ATAD2B: variants seen among roughly 807,000 people sequenced by gnomAD.
The protein encoded by ATAD2B is ATPase family AAA domain-containing protein 2B.
In ATAD2B, 40 loss-of-function variants were observed where a neutral mutation model predicts 167.6. That is an observed-to-expected ratio of 0.24 (90% CI 0.19 to 0.31). The LOEUF (loss-of-function observed/expected upper bound fraction) is 0.31. ATAD2B is among the 10% of genes least tolerant of loss of function. The pLI, the probability that ATAD2B is intolerant of heterozygous loss-of-function variation, is 1.00. For synonymous variants in ATAD2B, 579 were observed against 596.5 expected, an observed-to-expected ratio of 0.97 and a Z score of 0.43; for missense variants, 1,242 against 1,757.2, an observed-to-expected ratio of 0.71 and a Z score of 5.24.
chr2:23,814,761 AG>A (rs1686168228), intron 17 of ATAD2B, among the ~76,000 whole-genome samples: 1 of 152,182 alleles, frequency 6.6e-6, no homozygotes, highest in Non-Finnish European at 1.5e-5. Flanking sequence ...CCACGTTAAA[AG>A]TTTGGAATGT....
At chr2:23,919,655 C>T (rs1323747664) in intron 1 of ATAD2B, among the ~76,000 whole-genome samples, 1 of 149,904 alleles carries the variant, frequency 6.7e-6, no homozygotes, top group African/African-American at 2.5e-5. Flanking sequence ...CCAGCCTGTT[C>T]AACACAGTGA....
chr2:23,745,273 C>T (rs1674770248), downstream of ATAD2B, among the ~76,000 whole-genome samples: 1 of 151,250 alleles, frequency 6.6e-6, no homozygotes, highest in Non-Finnish European at 1.5e-5. Context: ...GGCAACACAA[C>T]CAGACTCCAC....
chr2:23,684,475 G>C, the ATAD2B span: 2 of 1,551,180 alleles, frequency 1.3e-6, no homozygotes, highest in South Asian at 2.4e-5. This position sits in a 1 kb window ranked among gnomAD's most constrained non-coding sequence, Gnocchi z 4.4. Flanking sequence ...AAGGCAGAGA[G>C]TTTGAAGTCC....
intron 6 of ATAD2B, among the ~76,000 whole-genome samples, chr2:23,884,544 T>C (rs1165629348): frequency 2.6e-5 from 4 of 152,250 alleles, no homozygotes; most frequent in Middle Eastern, 3.4e-3. Context: ...ACTAATAAAA[T>C]ACATTACATA....
intron 2 of ATAD2B, among the ~76,000 whole-genome samples, chr2:23,894,104 G>A (rs145446272): frequency 0.024 from 3,690 of 152,024 alleles, 81 homozygotes; most frequent in Non-Finnish European, 0.039. Context: ...CTCACTCTAC[G>A]GTACCTAAAT....
chr2:23,695,058 A>T, the ATAD2B span, among the ~76,000 whole-genome samples: 1 of 152,110 alleles, frequency 6.6e-6, no homozygotes, highest in African/African-American at 2.4e-5. The surrounding 1 kb of genome is among the most constrained non-coding windows in gnomAD (Gnocchi z 7.6). Context: ...GATTCAAGGG[A>T]GCCTGTAAAA....
chr2:23,737,129 C>T, the ATAD2B span, among the ~76,000 whole-genome samples: 1 of 152,194 alleles, frequency 6.6e-6, no homozygotes, highest in Non-Finnish European at 1.5e-5. Flanking sequence ...GGGCAGGGCA[C>T]AGACAAACAA....
At chr2:23,768,304 T>C (rs1216458411) in intron 22 of ATAD2B, among the ~76,000 whole-genome samples, 1 of 151,952 alleles carries the variant, frequency 6.6e-6, no homozygotes, top group Non-Finnish European at 1.5e-5. Context: ...GAGGGAAAGG[T>C]AGTAGGACTG....
At chr2:23,810,919 G>T (rs56397893) in intron 17 of ATAD2B, among the ~76,000 whole-genome samples, 18,223 of 151,974 alleles carry the variant, frequency 0.12, 1,145 homozygotes, top group Middle Eastern at 0.22. Flanking sequence ...GCTGAGGCAG[G>T]AGAATCGCTT....
chr2:23,882,610 C>A (rs1698095820), intron 6 of ATAD2B, among the ~76,000 whole-genome samples: 1 of 150,926 alleles, frequency 6.6e-6, no homozygotes, highest in East Asian at 2.0e-4. Flanking sequence ...AGATCGAGAC[C>A]ATCCTGGCTA....
intron 27 of ATAD2B, among the ~76,000 whole-genome samples, chr2:23,753,660 C>CA (rs1321864954): frequency 6.6e-6 from 1 of 152,146 alleles, no homozygotes; most frequent in East Asian, 1.9e-4. Flanking sequence ...AGCAAAAGGA[C>CA]AGTCGCTCCT....
intron 16 of ATAD2B, among the ~76,000 whole-genome samples, chr2:23,820,932 G>A (rs919933648): frequency 6.6e-6 from 1 of 152,032 alleles, no homozygotes; most frequent in Non-Finnish European, 1.5e-5. Flanking sequence ...CTTGGTGACA[G>A]AGCCAGACTC....
At chr2:23,794,090 G>C (rs1032007737) in intron 19 of ATAD2B, among the ~76,000 whole-genome samples, 12 of 152,134 alleles carry the variant, frequency 7.9e-5, no homozygotes, top group African/African-American at 2.9e-4. Flanking sequence ...TTGGCTCACT[G>C]CATCCACCTC....
chr2:23,890,076 G>T (rs552514665), intron 2 of ATAD2B, among the ~76,000 whole-genome samples: 1 of 151,832 alleles, frequency 6.6e-6, no homozygotes, highest in Non-Finnish European at 1.5e-5. Flanking sequence ...TCAGCCAGGC[G>T]TGGTGGCAGG....
chr2:23,849,292 G>A (rs1437018409), intron 13 of ATAD2B, among the ~76,000 whole-genome samples: 4 of 152,080 alleles, frequency 2.6e-5, no homozygotes, highest in African/African-American at 9.7e-5. Flanking sequence ...TCTAGAATAG[G>A]TGAATTATTA....
chr2:23,808,813 GTTTC>G (rs1332020242), intron 18 of ATAD2B, among the ~76,000 whole-genome samples: 1 of 151,964 alleles, frequency 6.6e-6, no homozygotes, highest in African/African-American at 2.4e-5. Context: ...ATTTGTAATA[GTTTC>G]TTTATGAACA....
At chr2:23,819,546 A>T (rs931404662) in intron 17 of ATAD2B, among the ~76,000 whole-genome samples, 6 of 152,072 alleles carry the variant, frequency 3.9e-5, no homozygotes, top group African/African-American at 1.4e-4. Context: ...TTGGAGAAAA[A>T]AACACCTAGG....
intron 22 of ATAD2B, among the ~76,000 whole-genome samples, chr2:23,768,783 A>G (rs1354473809): frequency 1.3e-5 from 2 of 152,226 alleles, no homozygotes; most frequent in Non-Finnish European, 2.9e-5. Flanking sequence ...TTCACTCAGC[A>G]TAATTATTTA....
intron 13 of ATAD2B, among the ~76,000 whole-genome samples, chr2:23,849,562 T>C (rs1466599060): frequency 6.6e-6 from 1 of 152,238 alleles, no homozygotes; most frequent in Non-Finnish European, 1.5e-5. Context: ...CCAGACACAG[T>C]GGCTCACGCC....
Sources: allele counts gnomAD v4.1 joint callset (sites outside exome capture counted in the v4.1 genomes callset), GRCh38; gene constraint gnomAD v4.1.1; non-coding constraint Gnocchi (gnomAD v3.1); transcripts MANE v1.5; gene names NCBI Gene and HGNC (gene_info 2026-07-23, HGNC 2026-07-21).